The following LRCH2 variants were observed in gnomAD, a reference collection of about 807,000 sequenced individuals.
LRCH2 encodes the protein leucine-rich repeat and calponin homology domain-containing protein 2.
A neutral mutation model predicts 68.9 loss-of-function variants in LRCH2; 38 were observed. The observed-to-expected ratio is 0.55, with a 90% CI of 0.43 to 0.72. The LOEUF is 0.72. LRCH2 is among the 30% of genes least tolerant of loss of function. The probability of loss-of-function intolerance (pLI) is 0.00; values close to 1 mark genes in which losing one functional copy is unlikely to be tolerated. For missense variants in LRCH2, 528 were observed against 572.9 expected, an observed-to-expected ratio of 0.92 and a Z score of 0.80; for synonymous variants, 191 against 208.1, an observed-to-expected ratio of 0.92 and a Z score of 0.71.
Position 115,123,148 on chromosome X carries a change from C to G in LRCH2, c.1894G>C (p.Gly632Arg). 8.3e-7 allele frequency: 1 copy of G among 1,210,129 alleles called. No homozygotes were observed. Among genetic ancestry groups the G allele is most frequent in the African/African-American group, 1.7e-5 (1 of 57,707 alleles). Residue 632 changes from glycine (G) to arginine (R), a missense_variant, in exon 18 of 21, where the codon GGA becomes CGA. Coordinates refer to ENST00000317135, the MANE Select transcript of LRCH2 (RefSeq NM_020871.4). ...SRQEYGAADP[G>R]FTMRRKMEHL... is the part of the protein sequence containing the mutation. ...TCCATCTTTCTTCTCATTGTAAATCCTGGATCTGCTGCCCCATATTCTTGG... is the reference window on the plus strand; with the variant it reads ...TCCATCTTTCTTCTCATTGTAAATCGTGGATCTGCTGCCCCATATTCTTGG...
chrX:115,202,222 T>G (rs147064435), intron 1 of LRCH2, among the ~76,000 whole-genome samples: 269 of 111,763 alleles, frequency 2.4e-3, no homozygotes, highest in African/African-American at 8.1e-3. Flanking sequence ...GCAACATGGA[T>G]AGAACTGAAG....
At chrX:115,192,469 C>G in intron 1 of LRCH2, 2 of 1,170,270 alleles carry the variant, frequency 1.7e-6, no homozygotes, top group South Asian at 1.9e-5. Context: ...CCGGAGCGAC[C>G]GCTACTCGAG....
intron 1 of LRCH2, among the ~76,000 whole-genome samples, chrX:115,203,880 C>T (rs1018208665): frequency 5.3e-5 from 6 of 112,257 alleles, no homozygotes; most frequent in Non-Finnish European, 7.5e-5. Context: ...CTTCTCACAG[C>T]TTCACTAGGC....
intron 5 of LRCH2, among the ~76,000 whole-genome samples, chrX:115,174,425 T>C (rs2072629460): frequency 9.1e-6 from 1 of 110,039 alleles, no homozygotes; most frequent in Non-Finnish European, 1.9e-5. Flanking sequence ...AGTTCAACTT[T>C]TTTTTTTTAA....
At chrX:115,142,351 T>C (rs1377455406) in intron 14 of LRCH2, among the ~76,000 whole-genome samples, 2 of 112,111 alleles carry the variant, frequency 1.8e-5, no homozygotes, top group Non-Finnish European at 3.8e-5. Flanking sequence ...ATCCAGTGGC[T>C]ACAGAATATA....
At chrX:115,127,016 C>A in intron 15 of LRCH2, 123 bp from the exon 16 acceptor site, 1 of 395,516 alleles carries the variant, frequency 2.5e-6, no homozygotes, top group East Asian at 4.9e-5. Context: ...AAAGATATGC[C>A]ATCCAGCACA....
At chrX:115,184,901 T>G (rs1045601703) in intron 2 of LRCH2, among the ~76,000 whole-genome samples, 3 of 111,968 alleles carry the variant, frequency 2.7e-5, no homozygotes, top group African/African-American at 9.7e-5. Flanking sequence ...AAACCCAGAA[T>G]GATTCCTCCG....
intron 20 of LRCH2, among the ~76,000 whole-genome samples, chrX:115,118,412 A>C (rs2072103634): frequency 1.8e-5 from 2 of 109,656 alleles, no homozygotes; most frequent in South Asian, 8.0e-4. Context: ...AAACTAGAAA[A>C]TCTAGAAGAA....
At chrX:115,127,267 C>T (rs980578796) in intron 15 of LRCH2, among the ~76,000 whole-genome samples, 3 of 112,106 alleles carry the variant, frequency 2.7e-5, no homozygotes, top group African/African-American at 9.7e-5. Flanking sequence ...CCCCAAATAA[C>T]TTTCATCTGA....
At position 115,113,290 on chromosome X, in the gene LRCH2, C is replaced by T; in HGVS notation, c.2224G>A (p.Val742Met). The change falls in exon 21 of 21, where the codon GTG becomes ATG. Residue 742 changes from valine to methionine, a missense_variant. Physicochemically the swap from Val to Met is conservative, Grantham distance 21 (BLOSUM62 1). Transcript: ENST00000317135. ...GCCTGAACTGTGACACCAACTTTCA[C>T]AAGTCCTCGTTCTTCCAAAATATGA... ...PHHILEERGL[V>M]KVGVTVQALL... is the part of the protein sequence containing the mutation. 1 of 1,197,432 alleles carries T rather than the reference C, an allele frequency of 8.4e-7. No homozygotes were observed. The highest frequency in any genetic ancestry group is 1.7e-5 in the African/African-American group (1 of 57,485).
rs1009027339 is a variant in LRCH2, at chrX:115,220,984, G to A, written c.349+12709C>T. Among the ~76,000 whole-genome samples the A allele has an allele frequency of 8.4e-5, 9 of 107,359 alleles. No individual in the cohort carries two copies. The East Asian group carries it at 1.5e-3, about 17-fold the overall frequency. The allele number at this position is 107,359 out of a possible 115,157, so 93.2% of individuals were successfully genotyped here. A position where few individuals can be genotyped will look rare whatever the true frequency, so the allele number is the denominator to read the frequency against. On this transcript the variant is annotated intron_variant, in intron 1 of 20. Coordinates refer to ENST00000317135, the MANE Select transcript of LRCH2 (RefSeq NM_020871.4). ...GGGTGGATCACGAGGTCAGGAGATC[G>A]AGACCATGGTGAAACCCTGTCTCTA... is the stretch of plus-strand genomic sequence containing the variant.
rs979974751 is a variant in LRCH2 at position 115,171,309 on chromosome X, T to C, written c.865-877A>G. On this transcript the variant is annotated intron_variant, in intron 5 of 20. Coordinates refer to ENST00000317135, the MANE Select transcript of LRCH2 (RefSeq NM_020871.4). ...ATGTTTCTTAGATAATTCTAACAGA[T>C]ACTAGGTCTGACTTGACCACTGAAA... 3.6e-5 allele frequency among the ~76,000 whole-genome samples: 4 copies of C among 111,812 alleles called. No homozygotes were observed. The South Asian group carries it at 1.5e-3, about 41-fold the overall frequency.
Position 115,163,226 on chromosome X carries a change from A to T in LRCH2, c.1463+450T>A, listed in dbSNP as rs782020724. Among the ~76,000 whole-genome samples the T allele has an allele frequency of 3.6e-5, 4 of 111,780 alleles. No individual in the cohort carries two copies. The South Asian group carries it at 1.5e-3, about 42-fold the overall frequency. ...TGCCAAGTTTGGAATCTGAGTTTTA[A>T]AAAGCACGTTATATTCATGACATGT... is the stretch of plus-strand genomic sequence containing the variant. On this transcript the variant is annotated intron_variant, in intron 11 of 20. Transcript: ENST00000317135.
chrX:115,114,866 G>T (rs1324857648), intron 20 of LRCH2, among the ~76,000 whole-genome samples: 1 of 110,197 alleles, frequency 9.1e-6, no homozygotes, highest in Non-Finnish European at 1.9e-5. Context: ...CAAGGTTGCA[G>T]AATACAAGAT....
intron 10 of LRCH2, 39 bp from the exon 11 acceptor site, chrX:115,163,822 G>T (rs1556543230): frequency 3.0e-6 from 3 of 987,550 alleles, no homozygotes; most frequent in Non-Finnish European, 4.2e-6. Flanking sequence ...AAAAAGTAAG[G>T]CAGACTACAT....
chrX:115,147,431 A>G (rs1223110044), intron 14 of LRCH2, among the ~76,000 whole-genome samples: 1 of 111,404 alleles, frequency 9.0e-6, no homozygotes, highest in Non-Finnish European at 1.9e-5. Context: ...CTGACAATTT[A>G]GGAGAACTAC....
At chrX:115,138,355 T>C (rs2072307829) in intron 14 of LRCH2, among the ~76,000 whole-genome samples, 1 of 111,889 alleles carries the variant, frequency 8.9e-6, no homozygotes, top group Admixed American at 9.5e-5. Flanking sequence ...TTCAATCACG[T>C]GTCTCCACAA....
chrX:115,176,125 G>C (rs1356374341), intron 5 of LRCH2, among the ~76,000 whole-genome samples: 1 of 112,214 alleles, frequency 8.9e-6, no homozygotes, highest in East Asian at 2.8e-4. Context: ...ATTCTGTATT[G>C]AGAATTAAAA....
chrX:115,201,669 A>G (rs983945794), intron 1 of LRCH2, among the ~76,000 whole-genome samples: 9 of 111,880 alleles, frequency 8.0e-5, no homozygotes, highest in African/African-American at 2.6e-4. Flanking sequence ...AGCCAGAGCA[A>G]TCGGGCAAGA....
Sources: gnomAD v4.1 joint callset for allele counts (sites outside exome capture counted in the v4.1 genomes callset) on GRCh38, gnomAD v4.1.1 for gene constraint, MANE v1.5 for transcripts, NCBI Gene and HGNC (gene_info 2026-07-23, HGNC 2026-07-21) for gene names.